The following LDLRAP1 variants were observed in gnomAD, a reference collection of about 807,000 sequenced individuals.
LDLRAP1 encodes low density lipoprotein receptor adapter protein 1.
In LDLRAP1, 30 loss-of-function variants were observed where a neutral mutation model predicts 37.8. The observed-to-expected ratio is 0.79, with a 90% CI of 0.59 to 1.08. The LOEUF (loss-of-function observed/expected upper bound fraction) is 1.08. Ranked by LOEUF, LDLRAP1 falls within the 50% of genes least tolerant of loss-of-function variation. The pLI is 0.00. For missense variants in LDLRAP1, 375 were observed against 401.6 expected (o/e 0.93, Z 0.57); for synonymous variants, 156 against 169.8 (o/e 0.92, Z 0.63).
At chr1:25,571,019 C>T (rs2044597763), downstream of LDLRAP1, among the ~76,000 whole-genome samples, 1 of 152,176 alleles carries the variant, frequency 6.6e-6, no homozygotes, top group Non-Finnish European at 1.5e-5. Flanking sequence ...AACAAGTTGA[C>T]CAAAGTCTCA....
In LDLRAP1 at chr1:25,544,176, C is replaced by CA. The variant is rs1489504860; in HGVS notation, c.88+391dup. Among the ~76,000 whole-genome samples, 1 of 152,092 alleles carries CA rather than the reference C, an allele frequency of 6.6e-6. No homozygotes were observed. Among genetic ancestry groups the CA allele is most frequent in the Non-Finnish European group, 1.5e-5 (1 of 67,982 alleles). On this transcript the variant is annotated intron_variant, in intron 1 of 8. Transcript: ENST00000374338. This position sits in a 1 kb window ranked among gnomAD's most constrained non-coding sequence, Gnocchi z 4.8. Reference sequence around the variant, plus strand: ...GTGCCTAGGGGAGGAGGAGAGGGCGCAGGGGCTTGGGAAGACGCCCCCGTC... The same window carrying CA: ...GTGCCTAGGGGAGGAGGAGAGGGCGCAAGGGGCTTGGGAAGACGCCCCCGTC...
chr1:25,543,749 G>A lies in LDLRAP1; in HGVS notation c.51G>A (p.Leu17=), dbSNP rs1480787251. The change falls in exon 1 of 9, where the codon TTG becomes TTA. Residue 17 remains leucine, a synonymous_variant. Transcript: ENST00000374338. The part of the protein sequence containing the change: ...AGRALIRSPS[L]AKQSWGGGGR... ...GGGCGCTGATCCGGAGCCCCAGCTT[G>A]GCCAAGCAGAGCTGGGGGGGCGGTG... 5.0e-6 allele frequency: 6 copies of A among 1,211,774 alleles called. No homozygotes were observed. The highest frequency in any genetic ancestry group is 6.2e-6 in the Non-Finnish European group (6 of 975,090). 75.1% of individuals were successfully genotyped at this position (1,211,774 alleles called of 1,614,324 possible).
At chr1:25,589,426 C>T in the LDLRAP1 span, among the ~76,000 whole-genome samples, 1 of 152,026 alleles carries the variant, frequency 6.6e-6, no homozygotes, top group Admixed American at 6.6e-5. Flanking sequence ...TAAGGGATGC[C>T]CAGATAGCTG....
At chr1:25,588,576 C>T in the LDLRAP1 span, among the ~76,000 whole-genome samples, 94 of 152,158 alleles carry the variant, frequency 6.2e-4, 2 homozygotes, top group Admixed American at 4.6e-4. Context: ...CCTGCTGACC[C>T]TCTCTCCACT....
rs534094360 is a variant in LDLRAP1 at position 25,557,174 on chromosome 1, C to G, written c.366C>G (p.Asp122Glu). The G allele has an allele frequency of 6.2e-7, 1 of 1,613,824 alleles. No homozygotes were observed. Among genetic ancestry groups the G allele is most frequent in the South Asian group, 1.1e-5 (1 of 91,080 alleles). ...TCAGGATCTCCTATTGCACAGCAGA[C>G]AAGATGCACGACAAGGTGTTTGCAT... is the stretch of plus-strand genomic sequence containing the variant. Reference protein sequence around the residue: ...SIYRISYCTADKMHDKVFAYI... With the variant: ...SIYRISYCTAEKMHDKVFAYI... Residue 122 changes from aspartate to glutamate, a missense_variant, in exon 4 of 9, where the codon GAC becomes GAG. Asp to Glu is a conservative substitution (Grantham distance 45). Coordinates refer to ENST00000374338, the MANE Select transcript of LDLRAP1 (RefSeq NM_015627.3).
intron 1 of LDLRAP1, chr1:25,550,100 G>A (rs2044038513): frequency 6.6e-6 from 1 of 152,328 alleles, no homozygotes; most frequent in Non-Finnish European, 1.5e-5. Context: ...GCAGGAGGAA[G>A]AAGAGATTTA....
At chr1:25,543,868 A>C in intron 1 of LDLRAP1, 82 bp downstream of exon 1, 8 of 928,690 alleles carry the variant, frequency 8.6e-6, no homozygotes, top group Non-Finnish European at 1.1e-5. Context: ...GAGTGCGGCC[A>C]AGTTGGGCAG....
At position 25,567,156 on chromosome 1, in the gene LDLRAP1, C is replaced by G. The variant is rs944044787; in HGVS notation, c.*164C>G. ...CCAGTCAGGCAGGGGAGAGATTTTT[C>G]TTTTAAGCCCTGCTCTTTCTCTGAG... On this transcript the variant is annotated 3_prime_UTR_variant, in exon 9 of 9. Transcript: ENST00000374338. 7 of 794,694 alleles carry G rather than the reference C, an allele frequency of 8.8e-6. No individual in the cohort carries two copies. The highest frequency in any genetic ancestry group is 1.4e-5 in the Non-Finnish European group (7 of 483,476). The allele number at this position is 794,694 out of a possible 1,614,324, so 49.2% of individuals were successfully genotyped here.
chr1:25,581,287 A>G, the LDLRAP1 span, among the ~76,000 whole-genome samples: 24 of 152,146 alleles, frequency 1.6e-4, no homozygotes, highest in Admixed American at 5.2e-4. Flanking sequence ...GCAGAGAGGT[A>G]GGTATGGGCC....
chr1:25,559,063 T>C (rs1013035783), intron 4 of LDLRAP1, among the ~76,000 whole-genome samples: 1 of 152,184 alleles, frequency 6.6e-6, no homozygotes, highest in Non-Finnish European at 1.5e-5. Flanking sequence ...CTTGTTTCTT[T>C]CCTGCAGACT....
At chr1:25,556,750 A>G in intron 3 of LDLRAP1, among the ~76,000 whole-genome samples, 1 of 152,156 alleles carries the variant, frequency 6.6e-6, no homozygotes, top group South Asian at 2.1e-4. Context: ...GCCTCAGTTT[A>G]CTTCATCTGA....
chr1:25,582,452 G>T, the LDLRAP1 span, among the ~76,000 whole-genome samples: 48 of 151,790 alleles, frequency 3.2e-4, no homozygotes, highest in East Asian at 2.0e-3. Context: ...GGGCATGGTG[G>T]CATGCACCTG....
the LDLRAP1 span, among the ~76,000 whole-genome samples, chr1:25,578,508 T>C: frequency 6.6e-6 from 1 of 152,018 alleles, no homozygotes; most frequent in African/African-American, 2.4e-5. Context: ...CTAGGATCGT[T>C]TGTCTTTTTT....
rs1404720335 is a variant in LDLRAP1 at position 25,563,887 on chromosome 1, T to C, written c.747+96T>C. 5 of 1,547,848 alleles carry C rather than the reference T, an allele frequency of 3.2e-6. No individual in the cohort carries two copies. The South Asian group carries it at 4.5e-5, about 14-fold the overall frequency. On this transcript the variant is annotated intron_variant, in intron 7 of 8. Coordinates refer to ENST00000374338, the MANE Select transcript of LDLRAP1 (RefSeq NM_015627.3). The stretch of plus-strand genomic sequence containing the variant: ...GGGACCAGGCCCTGGGACCCGTGAC[T>C]TGTGGGCCTCTGGGAGGACCAGACC...
chr1:25,563,230 C>T (rs1484086093), intron 6 of LDLRAP1, 77 bp downstream of exon 6: 3 of 1,243,076 alleles, frequency 2.4e-6, no homozygotes, highest in Middle Eastern at 4.5e-4. Context: ...CCACTCCTGC[C>T]TGGGCTGGGA....
At chr1:25,561,681 G>C (rs2044345475) in intron 4 of LDLRAP1, among the ~76,000 whole-genome samples, 1 of 152,238 alleles carries the variant, frequency 6.6e-6, no homozygotes, top group Non-Finnish European at 1.5e-5. Context: ...GGCTGAGAGA[G>C]GAAGGTGTTG....
At chr1:25,551,626 AC>A (rs1412006652) in intron 1 of LDLRAP1, among the ~76,000 whole-genome samples, 1 of 152,158 alleles carries the variant, frequency 6.6e-6, no homozygotes, top group African/African-American at 2.4e-5. Context: ...GGGCCCCATC[AC>A]TCAACCCAGG....
intron 1 of LDLRAP1, among the ~76,000 whole-genome samples, chr1:25,549,395 C>T (rs1479952324): frequency 3.3e-5 from 5 of 152,212 alleles, no homozygotes; most frequent in African/African-American, 1.2e-4. Context: ...GTTGCAGACA[C>T]ACCAGCCAGG....
chr1:25,572,923 G>A (rs904505987), downstream of LDLRAP1, among the ~76,000 whole-genome samples: 1 of 152,174 alleles, frequency 6.6e-6, no homozygotes, highest in East Asian at 1.9e-4. Flanking sequence ...AGAAGAGGGG[G>A]CATGGAGCTG....
Sources: allele counts gnomAD v4.1 joint callset (sites outside exome capture counted in the v4.1 genomes callset), GRCh38; gene constraint gnomAD v4.1.1; non-coding constraint Gnocchi (gnomAD v3.1); transcripts MANE v1.5; gene names NCBI Gene and HGNC (gene_info 2026-07-23, HGNC 2026-07-21).